Variants in CPPED1 observed in about 807,000 individuals in gnomAD.
CPPED1 encodes calcineurin like phosphoesterase domain containing 1, also known as serine/threonine-protein phosphatase CPPED1.
In CPPED1, 28 loss-of-function variants were observed where a neutral mutation model predicts 28.0. The observed-to-expected ratio is 1.00, with a 90% CI of 0.74 to 1.37. The LOEUF (loss-of-function observed/expected upper bound fraction) is 1.37. Ranked by LOEUF, CPPED1 falls within the 40% of genes most tolerant of loss-of-function variation. The pLI is 0.00. For synonymous variants in CPPED1, 198 were observed against 180.2 expected (o/e 1.10, Z -0.79); for missense variants, 504 against 416.5 (o/e 1.21, Z -1.83).
chr16:12,740,508 A>G (rs2080249675), intron 2 of CPPED1, among the ~76,000 whole-genome samples: 3 of 152,284 alleles, frequency 2.0e-5, no homozygotes, highest in African/African-American at 4.8e-5. Context: ...GTGCATACCA[A>G]TCATGACTAA....
At chr16:12,797,463 G>A (rs778843426) in intron 1 of CPPED1, among the ~76,000 whole-genome samples, 10 of 151,850 alleles carry the variant, frequency 6.6e-5, no homozygotes, top group Admixed American at 3.3e-4. Context: ...TGGGAGGATC[G>A]AGCATGGCTT....
At chr16:12,746,129 C>A (rs2080285904) in intron 2 of CPPED1, among the ~76,000 whole-genome samples, 1 of 152,100 alleles carries the variant, frequency 6.6e-6, no homozygotes. Flanking sequence ...AATCCCAACA[C>A]TTTGGGAGAC....
chr16:12,782,546 GT>G (rs35357238), intron 1 of CPPED1, among the ~76,000 whole-genome samples: 9,726 of 138,734 alleles, frequency 0.07, 672 homozygotes, highest in African/African-American at 0.18. Context: ...CCTTGAGGCT[GT>G]TTTTTTTTTT....
intron 2 of CPPED1, among the ~76,000 whole-genome samples, chr16:12,707,917 C>A (rs370946360): frequency 6.6e-6 from 1 of 152,136 alleles, no homozygotes; most frequent in Admixed American, 6.5e-5. Flanking sequence ...GAGGCCTAGG[C>A]GGGCAGACAA....
At chr16:12,672,938 C>T (rs930905708) in intron 3 of CPPED1, among the ~76,000 whole-genome samples, 3 of 151,950 alleles carry the variant, frequency 2.0e-5, no homozygotes, top group African/African-American at 2.4e-5. Context: ...CGCTTGAACT[C>T]GGGAGGCGGA....
intron 2 of CPPED1, among the ~76,000 whole-genome samples, chr16:12,743,941 C>G (rs1423751493): frequency 6.6e-6 from 1 of 151,922 alleles, no homozygotes; most frequent in African/African-American, 2.4e-5. Context: ...GGCGACAGAG[C>G]AAGACCCTGT....
chr16:12,697,693 T>C (rs2079999188), intron 3 of CPPED1, among the ~76,000 whole-genome samples: 1 of 152,146 alleles, frequency 6.6e-6, no homozygotes, highest in African/African-American at 2.4e-5. Flanking sequence ...TGCTCTCTTG[T>C]TATGAAGGCA....
intron 2 of CPPED1, among the ~76,000 whole-genome samples, chr16:12,763,509 A>T (rs950130649): frequency 6.6e-6 from 1 of 152,218 alleles, no homozygotes; most frequent in Non-Finnish European, 1.5e-5. Context: ...AAATAGAAGT[A>T]ATCGTAGTTA....
At chr16:12,676,616 G>C (rs900084282) in intron 3 of CPPED1, among the ~76,000 whole-genome samples, 2 of 152,132 alleles carry the variant, frequency 1.3e-5, no homozygotes, top group African/African-American at 4.8e-5. Context: ...GAGGTGCAAA[G>C]TGCCAAAGAT....
At chr16:12,723,896 C>T (rs1197561862) in intron 2 of CPPED1, among the ~76,000 whole-genome samples, 1 of 152,128 alleles carries the variant, frequency 6.6e-6, no homozygotes, top group East Asian at 1.9e-4. Flanking sequence ...AAGCTGCCAT[C>T]CACCCAGCTG....
intron 2 of CPPED1, among the ~76,000 whole-genome samples, chr16:12,776,049 T>G (rs2080495708): frequency 6.6e-6 from 1 of 152,166 alleles, no homozygotes; most frequent in Non-Finnish European, 1.5e-5. Context: ...GGGATTATGT[T>G]AAGGATCTTG....
intron 2 of CPPED1, among the ~76,000 whole-genome samples, chr16:12,758,307 G>C (rs973603581): frequency 1.3e-5 from 2 of 152,146 alleles, no homozygotes; most frequent in Non-Finnish European, 2.9e-5. Context: ...TTGGGGTCCA[G>C]GAGCATGCCT....
intron 2 of CPPED1, among the ~76,000 whole-genome samples, chr16:12,736,842 G>A (rs77567127): frequency 2.6e-5 from 4 of 152,198 alleles, no homozygotes; most frequent in Admixed American, 6.5e-5. Flanking sequence ...TAAGTGTTAC[G>A]GAGGGAAACC....
In CPPED1 at chr16:12,662,501, A is replaced by C. The variant is rs1019343085; in HGVS notation, c.*2385T>G. 1.3e-5 allele frequency: 2 copies of C among 152,212 alleles called. No homozygotes were observed. Among genetic ancestry groups the C allele is most frequent in the African/African-American group, 2.4e-5 (1 of 41,454 alleles). The allele number at this position is 152,212 out of a possible 1,614,324, so 9.4% of individuals were successfully genotyped here. On this transcript the variant is annotated 3_prime_UTR_variant, in exon 4 of 4. Coordinates refer to ENST00000381774, the MANE Select transcript of CPPED1 (RefSeq NM_018340.3). ...TGCAACCAACACCAGAAAAGTGTAC[A>C]CTGTACCCATCAGGTACTTTCTCAT...
At chr16:12,676,299 A>G (rs2079877443) in intron 3 of CPPED1, among the ~76,000 whole-genome samples, 1 of 152,144 alleles carries the variant, frequency 6.6e-6, no homozygotes, top group Non-Finnish European at 1.5e-5. Context: ...TGGTGGGATC[A>G]ACCATTCCCA....
At chr16:12,748,767 C>T (rs1451289952) in intron 2 of CPPED1, among the ~76,000 whole-genome samples, 1 of 151,706 alleles carries the variant, frequency 6.6e-6, no homozygotes, top group East Asian at 1.9e-4. Context: ...CCTATAATCC[C>T]AGCTACTCAG....
chr16:12,800,647 C>T (rs1249708457), intron 1 of CPPED1, among the ~76,000 whole-genome samples: 1 of 152,162 alleles, frequency 6.6e-6, no homozygotes, highest in African/African-American at 2.4e-5. Flanking sequence ...CCTCTTGATG[C>T]TATTAGGACA....
chr16:12,779,327 T>C (rs1041965528), intron 2 of CPPED1, among the ~76,000 whole-genome samples: 2 of 151,884 alleles, frequency 1.3e-5, no homozygotes. Flanking sequence ...CAAGTGATCC[T>C]CCCACTTTAG....
chr16:12,683,571 T>G lies in CPPED1; in HGVS notation c.716-18456A>C, dbSNP rs577631222. Among the ~76,000 whole-genome samples, 6 of 152,316 alleles carry G rather than the reference T, an allele frequency of 3.9e-5. No homozygotes were observed. The South Asian group carries it at 1.2e-3, about 32-fold the overall frequency. On this transcript the variant is annotated intron_variant, in intron 3 of 3. Coordinates refer to ENST00000381774, the MANE Select transcript of CPPED1 (RefSeq NM_018340.3). ...AACCCGCTTACTTCTTTTGCCCCAATGCACACCCCTCCTCGTGTGGGTTTA... is the reference window on the plus strand; with the variant it reads ...AACCCGCTTACTTCTTTTGCCCCAAGGCACACCCCTCCTCGTGTGGGTTTA...
Sources: allele counts gnomAD v4.1 joint callset (sites outside exome capture counted in the v4.1 genomes callset), GRCh38; gene constraint gnomAD v4.1.1; transcripts MANE v1.5; gene names NCBI Gene and HGNC (gene_info 2026-07-23, HGNC 2026-07-21).